The following DYNC2I1 variants were observed in gnomAD, a reference collection of about 807,000 sequenced individuals.
The protein encoded by DYNC2I1 is cytoplasmic dynein 2 intermediate chain 1.
Under a neutral mutation model 133.4 loss-of-function variants are expected in DYNC2I1, and 89 were observed. The observed-to-expected ratio is 0.67, with a 90% CI of 0.56 to 0.80. The LOEUF is 0.80. DYNC2I1 is among the 30% of genes least tolerant of loss of function. The pLI, the probability that DYNC2I1 is intolerant of heterozygous loss-of-function variation, is 0.00. For synonymous variants in DYNC2I1, 504 were observed against 484.3 expected (o/e 1.04, Z -0.54); for missense variants, 1,291 against 1,314.5 (o/e 0.98, Z 0.28).
At chr7:158,848,781 A>G in the DYNC2I1 span, among the ~76,000 whole-genome samples, 9 of 152,104 alleles carry the variant, frequency 5.9e-5, no homozygotes, top group Non-Finnish European at 1.0e-4. Context: ...AAAATTAGCC[A>G]GGCATGGTGG....
Position 158,914,241 on chromosome 7 carries a change from C to G in DYNC2I1, c.1711C>G (p.Gln571Glu), listed in dbSNP as rs1445928933. 6.2e-7 allele frequency: 1 copy of G among 1,610,208 alleles called. No individual in the cohort carries two copies. Among genetic ancestry groups the G allele is most frequent in the Non-Finnish European group, 8.5e-7 (1 of 1,178,180 alleles). The change falls in exon 14 of 25, where the codon CAA (glutamine) becomes GAA (glutamate). Residue 571 changes from glutamine (Q) to glutamate (E), a missense_variant. Transcript: ENST00000407559. The stretch of plus-strand genomic sequence containing the variant: ...TAAACTGTTTTTTTTAGGCAGTGAA[C>G]AAAGAGATACCTCTGATGCTGTAGT... Reference protein sequence around the residue: ...ESTVVSGGSEQRDTSDAVVMP... With the variant: ...ESTVVSGGSEERDTSDAVVMP...
intron 4 of DYNC2I1, among the ~76,000 whole-genome samples, chr7:158,877,824 G>C (rs1843510141): frequency 6.6e-6 from 1 of 152,220 alleles, no homozygotes; most frequent in African/African-American, 2.4e-5. Flanking sequence ...GACTAATTAG[G>C]AGAGAAAGAG....
chr7:158,909,330 CAAA>C (rs66565045), intron 11 of DYNC2I1, among the ~76,000 whole-genome samples: 320 of 46,716 alleles, frequency 6.8e-3, no homozygotes, highest in African/African-American at 0.019. Context: ...GACTCTGTCT[CAAA>C]AAAAAAAAAA....
intron 3 of DYNC2I1, 53 bp from the exon 4 acceptor site, chr7:158,876,554 GTT>G (rs1168981746): frequency 1.3e-6 from 2 of 1,504,618 alleles, no homozygotes; most frequent in Non-Finnish European, 1.8e-6. Context: ...TGTTAAAAGA[GTT>G]TTTTGATGTG....
chr7:158,918,215 C>T (rs1220327579), intron 14 of DYNC2I1, among the ~76,000 whole-genome samples: 1 of 152,312 alleles, frequency 6.6e-6, no homozygotes, highest in Middle Eastern at 3.4e-3. Flanking sequence ...TCTCATTCAA[C>T]ACTCTCTGCC....
chr7:158,901,788 A>C lies in DYNC2I1; in HGVS notation c.1109A>C (p.Tyr370Ser). Residue 370 changes from tyrosine (Y) to serine (S), a missense_variant, in exon 9 of 25, where the codon TAT (tyrosine) becomes TCT (serine). Coordinates refer to ENST00000407559, the MANE Select transcript of DYNC2I1 (RefSeq NM_018051.5). ...TTAGAAAATGCTAGAGCTGATGCAT[A>C]TACAGCCAGTTGTGAAGATGATTTT... The part of the protein sequence containing the change: ...TDLENARADA[Y>S]TASCEDDFED... The C allele has an allele frequency of 6.3e-7, 1 of 1,582,210 alleles. No homozygotes were observed. The highest frequency in any genetic ancestry group is 8.6e-7 in the Non-Finnish European group (1 of 1,163,952).
rs537318443 is a variant in DYNC2I1, at chr7:158,926,208, A to C, written c.2279A>C (p.Asn760Thr). Reference protein sequence around the residue: ...FSTDGILTSVNHRSPLQAVEP... With the variant: ...FSTDGILTSVTHRSPLQAVEP... ...CCAGATGGAATCCTTACCTCAGTAA[A>C]CCACCGAAGCCCTCTTCAAGCAGTA... The change falls in exon 18 of 25, where the codon AAC becomes ACC. Residue 760 changes from asparagine to threonine, a missense_variant. Physicochemically the swap from Asn to Thr is moderately conservative, Grantham distance 65. Transcript: ENST00000407559. The C allele has an allele frequency of 6.2e-6, 10 of 1,613,362 alleles. No homozygotes were observed. In the East Asian group the frequency reaches 2.2e-4, roughly 36 times the overall value.
At chr7:158,841,188 TA>T in the DYNC2I1 span, among the ~76,000 whole-genome samples, 16 of 70,318 alleles carry the variant, frequency 2.3e-4, 1 homozygote, top group East Asian at 9.8e-4. Context: ...TATATATATA[TA>T]TATATATATA....
chr7:158,881,018 C>G (rs960787652), intron 5 of DYNC2I1, among the ~76,000 whole-genome samples: 1 of 152,204 alleles, frequency 6.6e-6, no homozygotes, highest in South Asian at 2.1e-4. Flanking sequence ...ACTGACACAG[C>G]TGAGGAAATG....
At chr7:158,881,836 T>C (rs181051598) in intron 5 of DYNC2I1, among the ~76,000 whole-genome samples, 93 of 152,318 alleles carry the variant, frequency 6.1e-4, no homozygotes, top group Admixed American at 5.9e-3. Context: ...TTTTCAAACA[T>C]ACAGCAAAGT....
chr7:158,846,922 G>A, the DYNC2I1 span, among the ~76,000 whole-genome samples: 1 of 152,188 alleles, frequency 6.6e-6, no homozygotes, highest in Non-Finnish European at 1.5e-5. Context: ...TCCTTTGTCT[G>A]TATGTCTGTA....
intron 1 of DYNC2I1, among the ~76,000 whole-genome samples, chr7:158,865,750 C>CT (rs1333387684): frequency 6.6e-6 from 1 of 152,148 alleles, no homozygotes; most frequent in African/African-American, 2.4e-5. Flanking sequence ...TGCTGGGCTG[C>CT]TCCATAGGGC....
intron 14 of DYNC2I1, among the ~76,000 whole-genome samples, chr7:158,914,817 C>T (rs983700777): frequency 6.6e-6 from 1 of 152,208 alleles, no homozygotes; most frequent in Admixed American, 6.5e-5. Context: ...ACCACCCACC[C>T]CATCAGTTAT....
At chr7:158,884,503 T>A in intron 5 of DYNC2I1, 61 bp from the exon 6 acceptor site, 1 of 1,516,110 alleles carries the variant, frequency 6.6e-7, no homozygotes, top group Non-Finnish European at 9.0e-7. Flanking sequence ...GTTTACTAAT[T>A]ATGCTTACTT....
At chr7:158,884,781 TGGTAG>T (rs1396995122) in intron 6 of DYNC2I1, among the ~76,000 whole-genome samples, 162 bp downstream of exon 6, 1 of 152,228 alleles carries the variant, frequency 6.6e-6, no homozygotes, top group Admixed American at 6.5e-5. Flanking sequence ...CCAAATGGGT[TGGTAG>T]GTTTTTGGAA....
chr7:158,913,131 C>A, intron 13 of DYNC2I1, 35 bp downstream of exon 13: 5 of 1,443,976 alleles, frequency 3.5e-6, no homozygotes, highest in Non-Finnish European at 3.8e-6. Flanking sequence ...ACCATTGACT[C>A]TCTTTACATT....
intron 19 of DYNC2I1, among the ~76,000 whole-genome samples, 156 bp from the exon 20 acceptor site, chr7:158,926,836 A>C (rs1284756675): frequency 2.6e-5 from 4 of 152,180 alleles, no homozygotes; most frequent in Admixed American, 1.3e-4. Flanking sequence ...CAACTTGTAG[A>C]GTGTTAGTTC....
intron 1 of DYNC2I1, among the ~76,000 whole-genome samples, chr7:158,863,791 G>A (rs1200480497): frequency 3.0e-4 from 31 of 103,378 alleles, no homozygotes; most frequent in African/African-American, 1.1e-3. Flanking sequence ...GGGGCGGGGG[G>A]GAGCGGGACG....
At chr7:158,879,511 G>T (rs1843778690) in intron 4 of DYNC2I1, among the ~76,000 whole-genome samples, 173 bp from the exon 5 acceptor site, 1 of 152,114 alleles carries the variant, frequency 6.6e-6, no homozygotes, top group South Asian at 2.1e-4. Flanking sequence ...TTATTGTTTA[G>T]GGTGTAATGA....
Sources: allele counts gnomAD v4.1 joint callset (sites outside exome capture counted in the v4.1 genomes callset), GRCh38; gene constraint gnomAD v4.1.1; transcripts MANE v1.5; gene names NCBI Gene and HGNC (gene_info 2026-07-23, HGNC 2026-07-21).